The following ACSS1 variants were observed in gnomAD, a reference collection of about 807,000 sequenced individuals.
ACSS1 encodes the protein acyl-CoA synthetase short chain family member 1, also known as acetyl-coenzyme A synthetase 2-like, mitochondrial.
Under a neutral mutation model 75.3 loss-of-function variants are expected in ACSS1, and 42 were observed. The observed-to-expected ratio is 0.56, with a 90% CI of 0.44 to 0.72. ACSS1 has a LOEUF of 0.72. ACSS1 is among the 30% of genes least tolerant of loss of function. ACSS1 has a pLI of 0.00. For missense variants in ACSS1, 782 were observed against 935.7 expected (o/e 0.84, Z 2.14); for synonymous variants, 380 against 376.8 (o/e 1.01, Z -0.10).
chr20:25,015,356 G>A, intron 7 of ACSS1, 126 bp from the exon 8 acceptor site: 1 of 767,642 alleles, frequency 1.3e-6, no homozygotes, highest in Non-Finnish European at 2.0e-6. Context: ...TGTCTCCCAG[G>A]ATGATCTTGG....
intron 5 of ACSS1, 104 bp from the exon 6 acceptor site, chr20:25,021,640 T>TCTCACAGCTATG: frequency 7.0e-7 from 1 of 1,430,294 alleles, no homozygotes; most frequent in Non-Finnish European, 9.4e-7. Context: ...TCCATAGCTG[T>TCTCACAGCTATG]GAGAGGCAGC....
intron 7 of ACSS1, 129 bp downstream of exon 7, chr20:25,019,881 G>C: frequency 7.3e-7 from 1 of 1,363,136 alleles, no homozygotes; most frequent in Non-Finnish European, 1.0e-6. Flanking sequence ...ACCAGATCCG[G>C]TCTGGCATTG....
chr20:25,030,703 A>C lies in ACSS1; in HGVS notation c.631+56T>G, dbSNP rs887220002. On this transcript the variant is annotated intron_variant, in intron 3 of 13. Coordinates refer to ENST00000323482, the MANE Select transcript of ACSS1 (RefSeq NM_032501.4). ...TCTCTACACTGATGGCCAGGCCCCC[A>C]GGAACAAGGATCAGGGAACTCCAGG... is the stretch of plus-strand genomic sequence containing the variant. 4.4e-6 allele frequency: 7 copies of C among 1,593,434 alleles called. No homozygotes were observed. The African/African-American group carries it at 9.5e-5, about 22-fold the overall frequency.
At chr20:25,050,123 G>C (rs1180599688) in intron 1 of ACSS1, among the ~76,000 whole-genome samples, 1 of 152,116 alleles carries the variant, frequency 6.6e-6, no homozygotes, top group Non-Finnish European at 1.5e-5. Flanking sequence ...AGCCAACGTG[G>C]TCCCTAGGCT....
intron 12 of ACSS1, chr20:25,010,118 T>G (rs1313734820): frequency 6.6e-6 from 1 of 152,634 alleles, no homozygotes; most frequent in African/African-American, 2.4e-5. Flanking sequence ...CCATCCCTGA[T>G]AGCCTGCCCG....
At chr20:25,023,307 A>G (rs892973377) in intron 4 of ACSS1, among the ~76,000 whole-genome samples, 159 bp downstream of exon 4, 2 of 152,132 alleles carry the variant, frequency 1.3e-5, no homozygotes, top group Admixed American at 1.3e-4. Context: ...GTCGTATAGG[A>G]GTTTTATCTT....
chr20:25,017,874 ACCTAATG>A (rs1410189414), intron 7 of ACSS1, among the ~76,000 whole-genome samples: 1 of 152,098 alleles, frequency 6.6e-6, no homozygotes, highest in Non-Finnish European at 1.5e-5. Context: ...CCCTGTCCCC[ACCTAATG>A]CCTAGGGCCC....
At chr20:25,037,726 C>G (rs148229181) in intron 2 of ACSS1, among the ~76,000 whole-genome samples, 2 of 152,212 alleles carry the variant, frequency 1.3e-5, no homozygotes, top group Non-Finnish European at 2.9e-5. Flanking sequence ...GGAAGCCTGG[C>G]GAGGCTGACC....
At position 25,007,502 on chromosome 20, in the gene ACSS1, C is replaced by T. The variant is rs1197448353; in HGVS notation, c.*260G>A. 1.5e-6 allele frequency: 2 copies of T among 1,310,970 alleles called. No individual in the cohort carries two copies. Among genetic ancestry groups the T allele is most frequent in the African/African-American group, 3.0e-5 (2 of 67,192 alleles). 81.2% of individuals were successfully genotyped at this position (1,310,970 alleles called of 1,614,324 possible). The stretch of plus-strand genomic sequence containing the variant: ...AGGAATGGAGATGGCAATGCCTTTT[C>T]ATTCCAGGAAACCAAACTCAGATGG... On this transcript the variant is annotated 3_prime_UTR_variant, in exon 14 of 14. Transcript: ENST00000323482.
chr20:25,034,756 CG>C (rs1568842417), intron 2 of ACSS1, among the ~76,000 whole-genome samples: 1 of 151,934 alleles, frequency 6.6e-6, no homozygotes, highest in Non-Finnish European at 1.5e-5. Flanking sequence ...TTAGTAGAGA[CG>C]GGGTTTCTCC....
chr20:25,014,016 G>A lies in ACSS1; in HGVS notation c.1397C>T (p.Pro466Leu). The change falls in exon 9 of 14, where the codon CCT (proline) becomes CTT (leucine). Residue 466 changes from proline (P) to leucine (L), a missense_variant. Physicochemically the swap from Pro to Leu is moderately conservative, Grantham distance 98 (BLOSUM62 -3). Around this residue, in one of 2 missense-constraint regions of ACSS1, gnomAD observed 405 missense variants for 552.6 expected, o/e 0.73. Coordinates refer to ENST00000323482, the MANE Select transcript of ACSS1 (RefSeq NM_032501.4). ...RPSEEGAEILPAMAMRPFFGI... is the reference protein window; with the variant it reads ...RPSEEGAEILLAMAMRPFFGI... ...AAAGAAGGGCCTCATCGCCATGGCA[G>A]GGAGGATTTCCGCCCCTTCTTCCGA... is the stretch of plus-strand genomic sequence containing the variant. 1 of 1,613,840 alleles carries A rather than the reference G, an allele frequency of 6.2e-7. No individual in the cohort carries two copies. Among genetic ancestry groups the A allele is most frequent in the Non-Finnish European group, 8.5e-7 (1 of 1,179,930 alleles).
chr20:25,051,451 A>G (rs574882252), intron 1 of ACSS1, among the ~76,000 whole-genome samples: 3 of 152,348 alleles, frequency 2.0e-5, no homozygotes, highest in Non-Finnish European at 4.4e-5. Context: ...AGTAGAAGAC[A>G]TTCTCTTTTT....
At chr20:25,013,707 G>A (rs975332118) in intron 9 of ACSS1, 45 bp from the exon 10 acceptor site, 5 of 1,563,576 alleles carry the variant, frequency 3.2e-6, no homozygotes, top group Middle Eastern at 2.0e-4. Context: ...GGCTCTGGGT[G>A]AGAAGTGTGC....
chr20:25,008,739 C>T (rs1473154198), intron 13 of ACSS1, among the ~76,000 whole-genome samples: 1 of 152,254 alleles, frequency 6.6e-6, no homozygotes, highest in African/African-American at 2.4e-5. Flanking sequence ...TCAAGAACCA[C>T]ACAGGGGCTG....
intron 12 of ACSS1, 113 bp downstream of exon 12, chr20:25,012,488 G>T: frequency 7.8e-7 from 1 of 1,277,630 alleles, no homozygotes; most frequent in East Asian, 2.3e-5. Flanking sequence ...CTGAGAGCTT[G>T]GCCCACAGTA....
intron 6 of ACSS1, 25 bp from the exon 7 acceptor site, chr20:25,020,172 T>A: frequency 6.2e-7 from 1 of 1,613,702 alleles, no homozygotes; most frequent in Non-Finnish European, 8.5e-7. Flanking sequence ...AAATTCACTG[T>A]CAGCAGGAGA....
At chr20:25,040,322 G>T (rs1308554521) in intron 2 of ACSS1, among the ~76,000 whole-genome samples, 1 of 152,214 alleles carries the variant, frequency 6.6e-6, no homozygotes, top group East Asian at 1.9e-4. Context: ...CTGGACGCAG[G>T]TTGGGGGTCC....
chr20:25,030,334 T>C (rs2088799824), intron 3 of ACSS1, among the ~76,000 whole-genome samples: 1 of 152,210 alleles, frequency 6.6e-6, no homozygotes, highest in South Asian at 2.1e-4. Flanking sequence ...CCCCTTCACC[T>C]GACTCCAGAT....
At chr20:25,043,460 A>C (rs2089037330) in intron 2 of ACSS1, among the ~76,000 whole-genome samples, 1 of 152,216 alleles carries the variant, frequency 6.6e-6, no homozygotes, top group Admixed American at 6.5e-5. Flanking sequence ...ACAGCCCTGC[A>C]GGCCTCCGCA....
Sources: allele counts gnomAD v4.1 joint callset (sites outside exome capture counted in the v4.1 genomes callset), GRCh38; gene constraint gnomAD v4.1.1; regional missense constraint gnomAD v4.1.1; transcripts MANE v1.5; gene names NCBI Gene and HGNC (gene_info 2026-07-23, HGNC 2026-07-21).